The following SNTG2 variants were observed in gnomAD, a reference collection of about 807,000 sequenced individuals.
SNTG2 encodes gamma-2-syntrophin.
A neutral mutation model predicts 70.9 loss-of-function variants in SNTG2; 74 were observed. The ratio of observed to expected loss-of-function variants is 1.04; its 90% CI spans 0.86 to 1.27. The LOEUF is 1.27. SNTG2 is among the 50% of genes most tolerant of loss of function. The pLI, the probability that SNTG2 is intolerant of heterozygous loss-of-function variation, is 0.00. For missense variants in SNTG2, 717 were observed against 690.7 expected, an observed-to-expected ratio of 1.04 and a Z score of -0.43; for synonymous variants, 278 against 273.8, an observed-to-expected ratio of 1.02 and a Z score of -0.15.
chr2:1,023,807 G>A (rs1308704312), intron 1 of SNTG2, among the ~76,000 whole-genome samples: 1 of 152,198 alleles, frequency 6.6e-6, no homozygotes, highest in African/African-American at 2.4e-5. Context: ...AGTTGTGTGT[G>A]TGCCATCGAT....
At chr2:1,267,328 A>G in intron 13 of SNTG2, 37 bp from the exon 14 acceptor site, 1 of 1,546,074 alleles carries the variant, frequency 6.5e-7, no homozygotes, top group Non-Finnish European at 8.8e-7. Context: ...ATGACCTTCC[A>G]GCGCTGCACG....
intron 8 of SNTG2, among the ~76,000 whole-genome samples, chr2:1,177,156 G>C (rs1253661252): frequency 6.6e-6 from 1 of 152,142 alleles, no homozygotes; most frequent in African/African-American, 2.4e-5. Flanking sequence ...GCCATAAAAA[G>C]GAGCAAGACT....
intron 1 of SNTG2, among the ~76,000 whole-genome samples, chr2:968,139 A>C (rs1442092854): frequency 1.6e-5 from 2 of 125,288 alleles, no homozygotes; most frequent in Non-Finnish European, 3.5e-5. Context: ...TTTTATTTCA[A>C]GCGTTTTTTT....
intron 1 of SNTG2, among the ~76,000 whole-genome samples, chr2:963,696 G>A (rs577487489): frequency 6.6e-6 from 1 of 152,028 alleles, no homozygotes; most frequent in Non-Finnish European, 1.5e-5. Flanking sequence ...ATAGTGCCTG[G>A]CCCATACTAG....
chr2:1,056,989 G>A (rs1350049374), intron 1 of SNTG2, among the ~76,000 whole-genome samples: 1 of 148,498 alleles, frequency 6.7e-6, no homozygotes, highest in African/African-American at 2.5e-5. Flanking sequence ...GGGCCACCCC[G>A]TGGGGAGGGA....
intron 15 of SNTG2, among the ~76,000 whole-genome samples, chr2:1,310,931 G>A (rs747799654): frequency 5.3e-5 from 8 of 152,350 alleles, no homozygotes; most frequent in East Asian, 3.9e-4. Context: ...TAACCAGACC[G>A]TCCAACTCAG....
At chr2:1,008,932 A>C (rs995303897) in intron 1 of SNTG2, among the ~76,000 whole-genome samples, 3 of 152,200 alleles carry the variant, frequency 2.0e-5, no homozygotes, top group Non-Finnish European at 4.4e-5. Flanking sequence ...AAATTACTGA[A>C]TTTTGGTATT....
At chr2:1,250,341 A>G (rs1240901232) in intron 12 of SNTG2, among the ~76,000 whole-genome samples, 1 of 152,122 alleles carries the variant, frequency 6.6e-6, no homozygotes, top group Non-Finnish European at 1.5e-5. Flanking sequence ...TCCATTCCAG[A>G]TGCTGCAGCT....
intron 14 of SNTG2, among the ~76,000 whole-genome samples, chr2:1,282,724 C>T (rs1238473414): frequency 2.0e-5 from 3 of 147,176 alleles, no homozygotes; most frequent in African/African-American, 7.5e-5. Flanking sequence ...CTGTGCATCC[C>T]TCCAGGATCA....
At chr2:1,116,289 C>T (rs1245874967) in intron 4 of SNTG2, among the ~76,000 whole-genome samples, 1 of 152,200 alleles carries the variant, frequency 6.6e-6, no homozygotes, top group Non-Finnish European at 1.5e-5. Context: ...CACTAGAACA[C>T]TTTATCAGCC....
At chr2:1,300,531 G>A (rs1329928436) in intron 14 of SNTG2, among the ~76,000 whole-genome samples, 1 of 152,126 alleles carries the variant, frequency 6.6e-6, no homozygotes, top group Non-Finnish European at 1.5e-5. Flanking sequence ...GGCCGTGCCG[G>A]CCCCTGCTTG....
chr2:995,671 A>G (rs1661654898), intron 1 of SNTG2, among the ~76,000 whole-genome samples: 1 of 127,224 alleles, frequency 7.9e-6, no homozygotes, highest in African/African-American at 2.9e-5. Context: ...AGAAACTACT[A>G]TTTCATTTCT....
chr2:1,042,524 C>T (rs1661497387), intron 1 of SNTG2, among the ~76,000 whole-genome samples: 1 of 152,130 alleles, frequency 6.6e-6, no homozygotes, highest in South Asian at 2.1e-4. Context: ...CTTTCTCATA[C>T]TCTCCACCCT....
intron 1 of SNTG2, among the ~76,000 whole-genome samples, chr2:957,932 A>G (rs573029807): frequency 1.8e-4 from 28 of 152,208 alleles, no homozygotes; most frequent in Non-Finnish European, 3.8e-4. Context: ...GAAGCTAATC[A>G]GTCTTTTTAG....
At chr2:1,358,054 T>C (rs571496267) in intron 16 of SNTG2, among the ~76,000 whole-genome samples, 1 of 152,152 alleles carries the variant, frequency 6.6e-6, no homozygotes, top group African/African-American at 2.4e-5. Flanking sequence ...CTATTGCAGA[T>C]GTTCACTTTT....
At chr2:1,218,247 T>C (rs1331473054) in intron 9 of SNTG2, among the ~76,000 whole-genome samples, 1 of 152,116 alleles carries the variant, frequency 6.6e-6, no homozygotes. Flanking sequence ...CCTGCATAAA[T>C]CTCCCTAACT....
intron 16 of SNTG2, among the ~76,000 whole-genome samples, chr2:1,361,571 T>A (rs1312640932): frequency 3.9e-5 from 6 of 152,060 alleles, no homozygotes. Flanking sequence ...GTTGATACCA[T>A]CACATTTCAG....
At chr2:955,915 C>T (rs1247260420) in intron 1 of SNTG2, among the ~76,000 whole-genome samples, 1 of 152,182 alleles carries the variant, frequency 6.6e-6, no homozygotes, top group Non-Finnish European at 1.5e-5. Flanking sequence ...GGCCAAGGGG[C>T]CCACATCTGC....
At chr2:1,137,732 G>A (rs371198042) in intron 5 of SNTG2, 36 bp from the exon 6 acceptor site, 48 of 1,613,370 alleles carry the variant, frequency 3.0e-5, no homozygotes, top group Non-Finnish European at 3.5e-5. Context: ...TTAATCAATC[G>A]TTATTCTCAA....
Sources: gnomAD v4.1 joint callset for allele counts (sites outside exome capture counted in the v4.1 genomes callset) on GRCh38, gnomAD v4.1.1 for gene constraint, MANE v1.5 for transcripts, NCBI Gene and HGNC (gene_info 2026-07-23, HGNC 2026-07-21) for gene names.